Variants in SIRPG observed in about 807,000 individuals in gnomAD.
SIRPG encodes the protein signal regulatory protein gamma.
A neutral mutation model predicts 35.7 loss-of-function variants in SIRPG; 38 were observed. The ratio of observed to expected loss-of-function variants is 1.06; its 90% CI spans 0.82 to 1.40. The LOEUF is 1.40. Ranked by LOEUF, SIRPG falls within the 40% of genes most tolerant of loss-of-function variation. The pLI is 0.00. For missense variants in SIRPG, 519 were observed against 483.0 expected (o/e 1.07, Z -0.70); for synonymous variants, 215 against 190.4 (o/e 1.13, Z -1.06).
chr20:1,667,389 G>C, the SIRPG span, among the ~76,000 whole-genome samples: 1 of 152,194 alleles, frequency 6.6e-6, no homozygotes, highest in Admixed American at 6.5e-5. Flanking sequence ...AACCAAATTA[G>C]CTTGTTGATA....
chr20:1,630,248 G>A lies in SIRPG; in HGVS notation c.1140C>T (p.Tyr380=), dbSNP rs3746721. The A allele has an allele frequency of 0.26, 408,799 of 1,569,130 alleles. 59,925 individuals carry two copies. Among genetic ancestry groups the A allele is most frequent in the East Asian group, 0.59 (25,276 of 42,966 alleles). ...LLIAVLLGPI[Y]VPWKQKT is the part of the protein sequence containing the mutation. The stretch of plus-strand genomic sequence containing the variant: ...GTCAGGTCTTCTGCTTCCAGGGGAC[G>A]TAGATGGGGCCCAGGAGGACAGCTA... The change falls in exon 5 of 6, where the codon TAC becomes TAT. Residue 380 remains tyrosine, a synonymous_variant. Coordinates refer to ENST00000303415, the MANE Select transcript of SIRPG (RefSeq NM_018556.4).
chr20:1,685,419 G>A, the SIRPG span, among the ~76,000 whole-genome samples: 92 of 152,180 alleles, frequency 6.0e-4, no homozygotes, highest in Non-Finnish European at 1.1e-3. Flanking sequence ...CAGAAGAAGA[G>A]GAGATGAGGA....
At chr20:1,634,825 C>T (rs866509694) in intron 4 of SIRPG, among the ~76,000 whole-genome samples, 3 of 151,832 alleles carry the variant, frequency 2.0e-5, no homozygotes, top group Admixed American at 6.6e-5. Context: ...GGGCGGATCA[C>T]GAGGTCAGGA....
chr20:1,647,126 G>A (rs2091903770), intron 2 of SIRPG: 1 of 152,124 alleles, frequency 6.6e-6, no homozygotes, highest in Non-Finnish European at 1.5e-5. Context: ...TCACCACTCA[G>A]ATCTCCTCTC....
intron 1 of SIRPG, chr20:1,651,216 A>G (rs553889508): frequency 6.6e-6 from 1 of 152,326 alleles, no homozygotes; most frequent in Admixed American, 6.5e-5. Flanking sequence ...TTAAAAAATC[A>G]TATTTACCTG....
chr20:1,676,389 T>C, the SIRPG span, among the ~76,000 whole-genome samples: 1 of 152,208 alleles, frequency 6.6e-6, no homozygotes, highest in African/African-American at 2.4e-5. Flanking sequence ...ACTTACATAT[T>C]TATCAACAGA....
rs1600186904 is a variant in SIRPG, at chr20:1,629,440, A to C, written c.*199T>G. The C allele has an allele frequency of 6.6e-6, 1 of 152,146 alleles. No homozygotes were observed. Among genetic ancestry groups the C allele is most frequent in the Non-Finnish European group, 1.5e-5 (1 of 68,074 alleles). The allele number at this position is 152,146 out of a possible 1,614,324, so 9.4% of individuals were successfully genotyped here. A position where few individuals can be genotyped will look rare whatever the true frequency, so the allele number is the denominator to read the frequency against. ...CACCTGCTCAGGACCATGAATGAAG[A>C]CCTTGCTCTGGGGCATCCAGGTCTG... is the stretch of plus-strand genomic sequence containing the variant. On this transcript the variant is annotated 3_prime_UTR_variant, in exon 6 of 6. Transcript: ENST00000303415.
chr20:1,644,025 A>G (rs1444052726), intron 2 of SIRPG, among the ~76,000 whole-genome samples: 2 of 152,168 alleles, frequency 1.3e-5, no homozygotes, highest in African/African-American at 4.8e-5. Context: ...GACAACCCCT[A>G]TTAGAGGGTC....
At chr20:1,662,215 G>A (rs6080013), upstream of SIRPG, among the ~76,000 whole-genome samples, 904 of 152,316 alleles carry the variant, frequency 5.9e-3, 8 homozygotes, top group African/African-American at 0.018. Context: ...CAAAACCTCT[G>A]TGGGAACCAG....
At chr20:1,638,234 G>A (rs1164008244) in intron 2 of SIRPG, among the ~76,000 whole-genome samples, 1 of 152,138 alleles carries the variant, frequency 6.6e-6, no homozygotes, top group Non-Finnish European at 1.5e-5. Flanking sequence ...AGGGTCTGAG[G>A]GGACCCCAGC....
chr20:1,634,258 G>A (rs74181593), intron 4 of SIRPG, among the ~76,000 whole-genome samples: 34 of 146,350 alleles, frequency 2.3e-4, no homozygotes, highest in Non-Finnish European at 3.1e-4. Flanking sequence ...CCAGGCTGGA[G>A]TGCAGTGGCA....
At chr20:1,663,597 C>A in the SIRPG span, among the ~76,000 whole-genome samples, 1 of 152,200 alleles carries the variant, frequency 6.6e-6, no homozygotes, top group Admixed American at 6.5e-5. Flanking sequence ...AATTGACAAG[C>A]GCTATAAATC....
chr20:1,632,113 A>T (rs893861868), intron 4 of SIRPG, among the ~76,000 whole-genome samples: 4 of 152,064 alleles, frequency 2.6e-5, no homozygotes, highest in Non-Finnish European at 5.9e-5. Context: ...AAGTTGTGGG[A>T]CCCTGAGATG....
chr20:1,681,904 T>A, the SIRPG span, among the ~76,000 whole-genome samples: 2 of 152,158 alleles, frequency 1.3e-5, no homozygotes, highest in Admixed American at 6.5e-5. Context: ...GAGGCTTCAA[T>A]GGACATTAGA....
intron 2 of SIRPG, 135 bp downstream of exon 2, chr20:1,648,917 T>G (rs1407933654): frequency 1.1e-5 from 9 of 812,634 alleles, no homozygotes; most frequent in South Asian, 6.6e-5. Context: ...TCACCTGATC[T>G]GTAGAAGGGG....
the SIRPG span, chr20:1,676,686 C>A: frequency 6.1e-6 from 1 of 163,352 alleles, no homozygotes; most frequent in Non-Finnish European, 1.4e-5. Context: ...TTCTCTTTGT[C>A]TAGTCTGAAA....
chr20:1,641,166 A>G (rs1312414778), intron 2 of SIRPG, among the ~76,000 whole-genome samples: 1 of 152,172 alleles, frequency 6.6e-6, no homozygotes, highest in Admixed American at 6.5e-5. Flanking sequence ...AGTATTTGGA[A>G]TAGTTTCAGA....
chr20:1,630,098 C>G, intron 5 of SIRPG, 124 bp downstream of exon 5: 2 of 730,996 alleles, frequency 2.7e-6, no homozygotes, highest in Non-Finnish European at 4.7e-6. Flanking sequence ...CCCAAGACTT[C>G]CGAGGGTGCG....
At chr20:1,676,347 A>T in the SIRPG span, among the ~76,000 whole-genome samples, 1 of 152,202 alleles carries the variant, frequency 6.6e-6, no homozygotes, top group Non-Finnish European at 1.5e-5. Context: ...CACCCACTGC[A>T]GGGTTCTTTT....
Sources: allele counts gnomAD v4.1 joint callset (sites outside exome capture counted in the v4.1 genomes callset), GRCh38; gene constraint gnomAD v4.1.1; transcripts MANE v1.5; gene names NCBI Gene and HGNC (gene_info 2026-07-23, HGNC 2026-07-21).